Variants in WDR45 observed in about 807,000 individuals in gnomAD.
WDR45 encodes WD repeat domain 45.
WDR45 carries 2 observed loss-of-function variants against 27.3 expected under a neutral mutation model. The ratio of observed to expected loss-of-function variants is 0.07; its 90% CI spans 0.03 to 0.23. The LOEUF is 0.23. Ranked by LOEUF, WDR45 falls within the 10% of genes least tolerant of loss-of-function variation. The probability of loss-of-function intolerance (pLI) is 1.00; values close to 1 mark genes in which losing one functional copy is unlikely to be tolerated. For synonymous variants in WDR45, 99 were observed against 119.2 expected (o/e 0.83, Z 1.11); for missense variants, 175 against 311.9 (o/e 0.56, Z 3.31).
In WDR45 at chrX:49,075,287, G is replaced by A. The variant is rs1557083916; in HGVS notation, c.828-6C>T. 8 of 1,211,008 alleles carry A rather than the reference G, an allele frequency of 6.6e-6. No individual in the cohort carries two copies. In the East Asian group the frequency reaches 1.2e-4, roughly 18 times the overall value. On this transcript the variant is annotated splice_polypyrimidine_tract_variant and splice_region_variant and intron_variant, in intron 9 of 10. Transcript: ENST00000376372. ...CCTTGCCCACGCGAGCCAGCCTGCAGGCAGCACTGGCTAAGCCCAGGTATG... is the reference window on the plus strand; with the variant it reads ...CCTTGCCCACGCGAGCCAGCCTGCAAGCAGCACTGGCTAAGCCCAGGTATG...
At position 49,078,027 on chromosome X, in the gene WDR45, C is replaced by T; in HGVS notation, c.55+14G>A. ...GCTTCCTCCCACAAGGGTACAGGCC[C>T]AATCCTCTCTCACTTTGGTCTTGGT... is the stretch of plus-strand genomic sequence containing the variant. On this transcript the variant is annotated intron_variant, in intron 2 of 10. Coordinates refer to ENST00000376372, the MANE Select transcript of WDR45 (RefSeq NM_001029896.2). The T allele has an allele frequency of 1.7e-6, 2 of 1,212,094 alleles. No homozygotes were observed. Among genetic ancestry groups the T allele is most frequent in the Non-Finnish European group, 2.2e-6 (2 of 895,437 alleles).
upstream of WDR45, among the ~76,000 whole-genome samples, chrX:49,082,719 T>C (rs1160047688): frequency 5.4e-5 from 6 of 110,708 alleles, no homozygotes; most frequent in African/African-American, 9.8e-5. Flanking sequence ...TTTTTCTTTC[T>C]TTCTTTTTTT....
rs1388592135 is a variant in WDR45 at position 49,075,262 on chromosome X, C to A, written c.847G>T (p.Val283Leu). ...ACGTACTGCCCAATCATAGGCCCCA[C>A]CTTGCCCACGCGAGCCAGCCTGCAG... ...RRSALARVGK[V>L]GPMIGQYVDS... The change falls in exon 10 of 11, where the codon GTG becomes TTG. Residue 283 changes from valine (V) to leucine (L), a missense_variant. By Grantham distance (32) the Val-to-Leu change is conservative. Transcript: ENST00000376372. The A allele has an allele frequency of 8.3e-7, 1 of 1,210,142 alleles. No individual in the cohort carries two copies. Among genetic ancestry groups the A allele is most frequent in the Non-Finnish European group, 1.1e-6 (1 of 894,918 alleles).
At chrX:49,093,305 G>A (rs1301218587) in intron 2 of WDR45, among the ~76,000 whole-genome samples, 1 of 105,127 alleles carries the variant, frequency 9.5e-6, no homozygotes, top group Admixed American at 1.0e-4. Context: ...TTTTTGAGAC[G>A]GAACTTTGCT....
chrX:49,100,468 C>T (rs926824964), exon 2 of WDR45: 1 of 112,652 alleles, frequency 8.9e-6, no homozygotes, highest in African/African-American at 3.3e-5. Context: ...GATCTCCTGA[C>T]CTCGTGATCC....
chrX:49,087,283 G>C (rs1436930396), intron 2 of WDR45, among the ~76,000 whole-genome samples: 1 of 110,428 alleles, frequency 9.1e-6, no homozygotes, highest in African/African-American at 3.3e-5. Context: ...CTTCAACCCG[G>C]GAGGCAGAGG....
At chrX:49,078,917 C>T (rs961397157) in intron 1 of WDR45, 3 of 112,175 alleles carry the variant, frequency 2.7e-5, no homozygotes, top group African/African-American at 9.8e-5. Context: ...GGTCTGCCAT[C>T]CCCAGGAACT....
chrX:49,075,078 C>G, intron 10 of WDR45, 58 bp downstream of exon 10: 1 of 1,195,043 alleles, frequency 8.4e-7, no homozygotes. Flanking sequence ...CTTTCAGGTC[C>G]AACCTGCAGG....
upstream of WDR45, among the ~76,000 whole-genome samples, chrX:49,083,124 C>T (rs782463618): frequency 6.3e-5 from 7 of 110,497 alleles, no homozygotes; most frequent in Non-Finnish European, 1.1e-4. Flanking sequence ...GTGATCCGCC[C>T]GCCTTGGCCT....
chrX:49,094,830 C>T (rs782690443), intron 2 of WDR45, among the ~76,000 whole-genome samples: 1 of 111,122 alleles, frequency 9.0e-6, no homozygotes, highest in South Asian at 3.8e-4. Context: ...GTGGCTCAAG[C>T]CTGCAATCCC....
intron 2 of WDR45, among the ~76,000 whole-genome samples, chrX:49,096,561 C>T (rs1250245019): frequency 3.6e-5 from 4 of 112,158 alleles, no homozygotes; most frequent in Non-Finnish European, 7.5e-5. Context: ...AAATGGTAGG[C>T]ATTTCCCATC....
chrX:49,086,633 G>T (rs1557085944), intron 2 of WDR45, among the ~76,000 whole-genome samples: 1 of 110,065 alleles, frequency 9.1e-6, no homozygotes, highest in African/African-American at 3.3e-5. Context: ...TTGCTCTGTC[G>T]CCCAGGCTGG....
At chrX:49,086,597 C>CT (rs1289915066) in intron 2 of WDR45, among the ~76,000 whole-genome samples, 16 of 107,568 alleles carry the variant, frequency 1.5e-4, no homozygotes, top group South Asian at 3.9e-4. Flanking sequence ...TGTCTTTTCT[C>CT]TTTTTTTTTT....
intron 6 of WDR45, 29 bp from the exon 7 acceptor site, chrX:49,075,974 G>C: frequency 8.8e-7 from 1 of 1,134,924 alleles, no homozygotes; most frequent in Non-Finnish European, 1.2e-6. Context: ...GGGTGGGGTG[G>C]GCGGCTGAAG....
intron 10 of WDR45, 39 bp from the exon 11 acceptor site, chrX:49,074,951 C>T: frequency 8.7e-7 from 1 of 1,143,001 alleles, no homozygotes; most frequent in Non-Finnish European, 1.2e-6. Context: ...GAGGCTGCCA[C>T]AGCCACAGGC....
At chrX:49,081,514 AG>A (rs1557085126), upstream of WDR45, among the ~76,000 whole-genome samples, 4 of 97,511 alleles carry the variant, frequency 4.1e-5, no homozygotes, top group Non-Finnish European at 2.1e-5. Context: ...TGGGTAATAG[AG>A]TGAGACTCTG....
intron 2 of WDR45, among the ~76,000 whole-genome samples, chrX:49,097,597 G>A (rs1262457770): frequency 9.2e-5 from 10 of 108,981 alleles, no homozygotes; most frequent in Non-Finnish European, 1.5e-4. Flanking sequence ...CAAAGTGCTG[G>A]GATTACAGGC....
chrX:49,074,708 T>C lies in WDR45; in HGVS notation c.*95A>G, dbSNP rs782343670. ...GGAAAGTGGGCACCAGCCCCATTAA[T>C]GCTTGCTGGCTGGTGGCTTCCAAGC... On this transcript the variant is annotated 3_prime_UTR_variant, in exon 11 of 11. Transcript: ENST00000376372. 2.8e-6 allele frequency: 2 copies of C among 702,932 alleles called. No homozygotes were observed. Among genetic ancestry groups the C allele is most frequent in the African/African-American group, 4.3e-5 (2 of 46,915 alleles). The allele number at this position is 702,932 out of a possible 1,213,427, so 57.9% of individuals were successfully genotyped here. A position where few individuals can be genotyped will look rare whatever the true frequency, so the allele number is the denominator to read the frequency against.
At position 49,097,730 on chromosome X, in the gene WDR45, C is replaced by T. The variant is rs190959646; in HGVS notation, c.-18+2475G>A. ...GGAGTACAATGGCGCAATCTCGGCTCACTGCAACCTCTGCCTCCCAGGTTC... is the reference window on the plus strand; with the variant it reads ...GGAGTACAATGGCGCAATCTCGGCTTACTGCAACCTCTGCCTCCCAGGTTC... On this transcript the variant is annotated intron_variant, in intron 2 of 11. Transcript: ENST00000356463. Among the ~76,000 whole-genome samples, 37 of 108,720 alleles carry T rather than the reference C, an allele frequency of 3.4e-4. No homozygotes were observed. In the East Asian group the frequency reaches 0.01, roughly 30 times the overall value. 94.4% of individuals were successfully genotyped at this position (108,720 alleles called of 115,157 possible).
Sources: allele counts gnomAD v4.1 joint callset (sites outside exome capture counted in the v4.1 genomes callset), GRCh38; gene constraint gnomAD v4.1.1; transcripts MANE v1.5; gene names NCBI Gene and HGNC (gene_info 2026-07-23, HGNC 2026-07-21).